SOX5: variants seen among roughly 807,000 people sequenced by gnomAD.
SOX5 encodes the protein SRY-box transcription factor 5.
A neutral mutation model predicts 92.0 loss-of-function variants in SOX5; 9 were observed. The observed-to-expected ratio is 0.10, with a 90% CI of 0.06 to 0.17. SOX5 has a LOEUF of 0.17. SOX5 is among the 10% of genes least tolerant of loss of function. The pLI, the probability that SOX5 is intolerant of heterozygous loss-of-function variation, is 1.00. For synonymous variants in SOX5, 344 were observed against 336.3 expected (o/e 1.02, Z -0.25); for missense variants, 642 against 944.5 (o/e 0.68, Z 4.20).
chr12:24,000,141 C>CAT (rs1216347165), intron 4 of SOX5, among the ~76,000 whole-genome samples: 1 of 150,302 alleles, frequency 6.7e-6, no homozygotes, highest in African/African-American at 2.4e-5. Context: ...ACATAAATAT[C>CAT]ATATATATAC....
chr12:24,403,236 C>T (rs1419468021), intron 1 of SOX5, among the ~76,000 whole-genome samples: 1 of 152,160 alleles, frequency 6.6e-6, no homozygotes, highest in Non-Finnish European at 1.5e-5. Context: ...GAAGCTTTCC[C>T]AGAGCTGACA....
At chr12:23,836,551 C>A (rs1329698951) in intron 3 of SOX5, among the ~76,000 whole-genome samples, 1 of 151,978 alleles carries the variant, frequency 6.6e-6, no homozygotes, top group Non-Finnish European at 1.5e-5. Flanking sequence ...TTCTTTGTAA[C>A]CATTTCACCT....
intron 3 of SOX5, among the ~76,000 whole-genome samples, chr12:23,811,779 C>G (rs887709151): frequency 1.3e-5 from 2 of 152,062 alleles, no homozygotes; most frequent in African/African-American, 4.8e-5. Flanking sequence ...GTTCTAGGCA[C>G]ACAGTACTTC....
intron 4 of SOX5, among the ~76,000 whole-genome samples, chr12:24,129,775 A>T (rs573577689): frequency 2.6e-5 from 4 of 152,386 alleles, no homozygotes; most frequent in South Asian, 2.1e-4. Flanking sequence ...AGGGAGACAC[A>T]TTTAATAAAG....
intron 2 of SOX5, among the ~76,000 whole-genome samples, chr12:24,296,295 T>G (rs1947237551): frequency 1.3e-5 from 2 of 152,182 alleles, no homozygotes; most frequent in Admixed American, 6.5e-5. Context: ...AATAACACAA[T>G]AGAAAAAGGT....
At chr12:24,562,473 C>T (rs1037396238) in exon 1 of SOX5, 1 of 152,028 alleles carries the variant, frequency 6.6e-6, no homozygotes, top group Non-Finnish European at 1.5e-5. Context: ...TGTGTGTGTG[C>T]GTGTGTGCCG....
chr12:24,026,722 A>G (rs1356259402), intron 4 of SOX5, among the ~76,000 whole-genome samples: 1 of 151,884 alleles, frequency 6.6e-6, no homozygotes, highest in Non-Finnish European at 1.5e-5. Context: ...AGTTCTCCAT[A>G]GCAAATCTGC....
chr12:23,632,667 T>TACCTCTACCTTG (rs1178981244), intron 8 of SOX5, among the ~76,000 whole-genome samples: 1 of 152,170 alleles, frequency 6.6e-6, no homozygotes, highest in Non-Finnish European at 1.5e-5. Context: ...GTATTTCATC[T>TACCTCTACCTTG]ACCTCTACCT....
chr12:23,723,574 ATAT>A (rs913774372), intron 6 of SOX5, among the ~76,000 whole-genome samples: 3 of 149,304 alleles, frequency 2.0e-5, no homozygotes, highest in Admixed American at 1.4e-4. Context: ...AATTATATAT[ATAT>A]ATATACACAC....
At chr12:23,627,742 A>G (rs2078015285) in intron 8 of SOX5, among the ~76,000 whole-genome samples, 1 of 152,080 alleles carries the variant, frequency 6.6e-6, no homozygotes, top group Non-Finnish European at 1.5e-5. Flanking sequence ...CAAGCTCATA[A>G]CCCATTATAT....
intron 3 of SOX5, among the ~76,000 whole-genome samples, chr12:23,762,270 G>A (rs897734789): frequency 5.3e-5 from 8 of 151,998 alleles, no homozygotes; most frequent in African/African-American, 1.5e-4. Context: ...CACAGTGGTG[G>A]GCCTATAGTC....
chr12:24,446,250 AC>A (rs1480934115), intron 1 of SOX5, among the ~76,000 whole-genome samples: 6 of 149,510 alleles, frequency 4.0e-5, no homozygotes, highest in African/African-American at 1.5e-4. Context: ...TATAAAGAAA[AC>A]AAAACATGGT....
intron 8 of SOX5, among the ~76,000 whole-genome samples, chr12:23,619,761 C>T (rs948841409): frequency 9.9e-5 from 15 of 152,112 alleles, no homozygotes; most frequent in African/African-American, 3.1e-4. Context: ...CAGTAAAAAC[C>T]GCTTCAGTGT....
At chr12:23,991,177 G>C (rs1264854536) in intron 4 of SOX5, among the ~76,000 whole-genome samples, 1 of 134,938 alleles carries the variant, frequency 7.4e-6, no homozygotes. Context: ...AACACAGTGA[G>C]ATCCCGTCTC....
chr12:23,695,673 G>T (rs1487357919), intron 6 of SOX5, among the ~76,000 whole-genome samples: 2 of 151,962 alleles, frequency 1.3e-5, no homozygotes, highest in Non-Finnish European at 2.9e-5. Context: ...CGGGCGCAGT[G>T]GCTCACGCCT....
At chr12:24,486,995 G>A (rs954037250) in intron 1 of SOX5, among the ~76,000 whole-genome samples, 10 of 152,088 alleles carry the variant, frequency 6.6e-5, no homozygotes, top group African/African-American at 1.7e-4. Context: ...GTCTTCAAAC[G>A]TGCTCATTCT....
intron 4 of SOX5, among the ~76,000 whole-genome samples, chr12:23,970,841 A>ATAATTT: frequency 4.6e-5 from 1 of 21,878 alleles, no homozygotes; most frequent in African/African-American, 1.2e-4. Flanking sequence ...TATATATATA[A>ATAATTT]TTTTTTTTTT....
intron 2 of SOX5, among the ~76,000 whole-genome samples, chr12:24,340,705 A>G (rs1351457556): frequency 6.6e-6 from 1 of 152,214 alleles, no homozygotes; most frequent in Non-Finnish European, 1.5e-5. Context: ...GGGAAAGACC[A>G]ATGTTGTTTA....
intron 2 of SOX5, among the ~76,000 whole-genome samples, chr12:23,866,058 T>C (rs2096809022): frequency 6.6e-6 from 1 of 152,230 alleles, no homozygotes; most frequent in Admixed American, 6.5e-5. Context: ...AAGTGGTTTC[T>C]TGAGATGGAA....
Sources: gnomAD v4.1 joint callset for allele counts (sites outside exome capture counted in the v4.1 genomes callset) on GRCh38, gnomAD v4.1.1 for gene constraint, MANE v1.5 for transcripts, NCBI Gene and HGNC (gene_info 2026-07-23, HGNC 2026-07-21) for gene names.